The following CD82 variants were observed in gnomAD, a reference collection of about 807,000 sequenced individuals.
CD82 encodes CD82 molecule.
Under a neutral mutation model 37.4 loss-of-function variants are expected in CD82, and 36 were observed. The observed-to-expected ratio is 0.96, with a 90% CI of 0.74 to 1.27. The LOEUF is 1.27. CD82 is among the 50% of genes most tolerant of loss of function. The probability of loss-of-function intolerance (pLI) is 0.00; values close to 1 mark genes in which losing one functional copy is unlikely to be tolerated. For missense variants in CD82, 340 were observed against 347.0 expected (o/e 0.98, Z 0.16); for synonymous variants, 158 against 137.4 (o/e 1.15, Z -1.05).
intron 2 of CD82, among the ~76,000 whole-genome samples, chr11:44,594,053 T>C (rs1025074526): frequency 1.2e-4 from 19 of 152,288 alleles, no homozygotes; most frequent in African/African-American, 4.6e-4. Flanking sequence ...GTTTTTAATC[T>C]CTGGAGTGAG....
chr11:44,576,499 C>G (rs763956952), intron 1 of CD82, among the ~76,000 whole-genome samples: 3 of 152,150 alleles, frequency 2.0e-5, no homozygotes, highest in Admixed American at 6.5e-5. Context: ...TGGAGGGAGC[C>G]GGGATGTGGA....
rs1038492750 is a variant in CD82 at position 44,601,593 on chromosome 11, C to A, written c.136+1363C>A. ...CACATTTCTGCCCTCTGCGCCCTGC[C>A]CTGCAACTGGCGCAGTGGGGGTGAG... On this transcript the variant is annotated intron_variant, in intron 4 of 9. Coordinates refer to ENST00000227155, the MANE Select transcript of CD82 (RefSeq NM_002231.4). Among the ~76,000 whole-genome samples, 3 of 152,328 alleles carry A rather than the reference C, an allele frequency of 2.0e-5. No individual in the cohort carries two copies. The South Asian group carries it at 6.2e-4, about 32-fold the overall frequency.
At chr11:44,581,686 C>T (rs1590330738) in intron 1 of CD82, among the ~76,000 whole-genome samples, 1 of 152,180 alleles carries the variant, frequency 6.6e-6, no homozygotes, top group African/African-American at 2.4e-5. Flanking sequence ...TGGATGGTGG[C>T]TCAGGACAGA....
chr11:44,568,109 A>G (rs2134608665), intron 1 of CD82, among the ~76,000 whole-genome samples: 1 of 152,308 alleles, frequency 6.6e-6, no homozygotes, highest in Admixed American at 6.5e-5. Flanking sequence ...GTTTCTGAGG[A>G]GAGGAGTGAC....
intron 7 of CD82, 63 bp downstream of exon 7, chr11:44,615,436 T>A: frequency 1.0e-6 from 1 of 960,342 alleles, no homozygotes; most frequent in Non-Finnish European, 1.7e-6. Flanking sequence ...TGGGGCTCTG[T>A]GCACCCACAT....
chr11:44,606,189 A>C (rs1033523569), intron 6 of CD82: 8 of 152,366 alleles, frequency 5.3e-5, no homozygotes, highest in African/African-American at 1.9e-4. Context: ...GCAGTGCCAG[A>C]CATGGCCATC....
intron 1 of CD82, among the ~76,000 whole-genome samples, chr11:44,586,394 G>T (rs1853055307): frequency 6.6e-6 from 1 of 152,176 alleles, no homozygotes; most frequent in Non-Finnish European, 1.5e-5. Context: ...TCTAGGGAGA[G>T]TTCACAGCTT....
At chr11:44,596,603 GCTC>G (rs1039952831) in intron 3 of CD82, among the ~76,000 whole-genome samples, 2 of 152,154 alleles carry the variant, frequency 1.3e-5, no homozygotes, top group Middle Eastern at 3.2e-3. Flanking sequence ...CCTCCTTTTG[GCTC>G]CTCCAGGGGC....
intron 3 of CD82, chr11:44,596,898 G>T (rs1221432333): frequency 4.4e-6 from 2 of 456,090 alleles, no homozygotes; most frequent in African/African-American, 4.0e-5. Flanking sequence ...ATGAAAAATT[G>T]CAGTTGTTGG....
rs56665683 is a variant in CD82 at position 44,590,610 on chromosome 11, CA to C, written c.-21+3074del. Among the ~76,000 whole-genome samples the C allele has an allele frequency of 6.3e-4, 21 of 33,456 alleles. 2 individuals carry two copies. In the South Asian group the frequency reaches 9.6e-3, roughly 15 times the overall value. The allele number at this position is 33,456 out of a possible 152,430, so 21.9% of individuals were successfully genotyped here. On this transcript the variant is annotated intron_variant, in intron 2 of 9. Coordinates refer to ENST00000227155, the MANE Select transcript of CD82 (RefSeq NM_002231.4). ...TGGGCAACAGAGGGAGATTCTGTCTCAAAAAAAAAAAAAAAAAAAAGATGAA... is the reference window on the plus strand; with the variant it reads ...TGGGCAACAGAGGGAGATTCTGTCTCAAAAAAAAAAAAAAAAAAAGATGAA...
intron 3 of CD82, among the ~76,000 whole-genome samples, chr11:44,595,502 T>C (rs890005414): frequency 2.0e-5 from 3 of 151,552 alleles, no homozygotes; most frequent in Non-Finnish European, 4.4e-5. Context: ...CCCTATAGTG[T>C]TAAAAAAAAA....
At chr11:44,608,963 A>G (rs982234609) in intron 6 of CD82, among the ~76,000 whole-genome samples, 1 of 151,298 alleles carries the variant, frequency 6.6e-6, no homozygotes, top group Non-Finnish European at 1.5e-5. Context: ...TGCTGGCATC[A>G]TTGCCAGTGT....
chr11:44,588,715 C>T (rs922267777), intron 2 of CD82, among the ~76,000 whole-genome samples: 8 of 152,112 alleles, frequency 5.3e-5, no homozygotes, highest in African/African-American at 1.9e-4. Flanking sequence ...AGAGGGAGTG[C>T]CCCTAACCAA....
intron 9 of CD82, 133 bp from the exon 10 acceptor site, chr11:44,618,916 G>A: frequency 2.3e-6 from 2 of 881,638 alleles, no homozygotes; most frequent in South Asian, 1.5e-5. Flanking sequence ...TCCCTCTGCT[G>A]CCTGCATCAC....
rs898920079 is a variant in CD82 at position 44,585,979 on chromosome 11, T to A, written c.-102-1496T>A. Among the ~76,000 whole-genome samples, 3 of 152,104 alleles carry A rather than the reference T, an allele frequency of 2.0e-5. No homozygotes were observed. The East Asian group carries it at 5.8e-4, about 29-fold the overall frequency. Reference sequence around the variant, plus strand: ...TGCAGGGAGCTTCATGTGACACTTTTTCGGATGCCAGAGTGCCAGGCAGAT... The same window carrying A: ...TGCAGGGAGCTTCATGTGACACTTTATCGGATGCCAGAGTGCCAGGCAGAT... On this transcript the variant is annotated intron_variant, in intron 1 of 9. Transcript: ENST00000227155.
chr11:44,595,465 G>A (rs924133982), intron 3 of CD82, among the ~76,000 whole-genome samples: 4 of 147,604 alleles, frequency 2.7e-5, no homozygotes, highest in South Asian at 2.2e-4. Context: ...TGTTGGGAGC[G>A]CTGGCTTCCC....
rs34301171 is a variant in CD82 at position 44,612,623 on chromosome 11, ATTTTTTTTT to A, written c.337-2630_337-2622del. 4.1e-3 allele frequency among the ~76,000 whole-genome samples: 258 copies of A among 63,080 alleles called. 6 individuals are homozygous for A. The highest frequency in any genetic ancestry group is 0.017 in the African/African-American group (236 of 14,240). 41.4% of individuals were successfully genotyped at this position (63,080 alleles called of 152,430 possible). ...ATCAGAGGCTGGTTTCCCAGCATTAATTTTTTTTTTTTTTTTTTTTTTTTTTTGAGATGG... is the reference window on the plus strand; with the variant it reads ...ATCAGAGGCTGGTTTCCCAGCATTAATTTTTTTTTTTTTTTTTTGAGATGG... On this transcript the variant is annotated intron_variant, in intron 6 of 9. Transcript: ENST00000227155.
chr11:44,603,003 TG>T (rs1424009437), intron 4 of CD82, among the ~76,000 whole-genome samples: 1 of 152,180 alleles, frequency 6.6e-6, no homozygotes, highest in Non-Finnish European at 1.5e-5. Context: ...CAGGATGCTT[TG>T]GATAAAGGGC....
At chr11:44,585,603 G>A (rs1853042701) in intron 1 of CD82, among the ~76,000 whole-genome samples, 1 of 152,218 alleles carries the variant, frequency 6.6e-6, no homozygotes, top group Admixed American at 6.5e-5. Flanking sequence ...GGATAAGGGA[G>A]CAGCTCTGCA....
Sources: allele counts gnomAD v4.1 joint callset (sites outside exome capture counted in the v4.1 genomes callset), GRCh38; gene constraint gnomAD v4.1.1; transcripts MANE v1.5; gene names NCBI Gene and HGNC (gene_info 2026-07-23, HGNC 2026-07-21).